Variants in CLEC2D observed in about 807,000 individuals in gnomAD.
The protein encoded by CLEC2D is C-type lectin domain family 2 member D.
Under a neutral mutation model 20.0 loss-of-function variants are expected in CLEC2D, and 16 were observed. That is an observed-to-expected ratio of 0.80 (90% confidence interval 0.54 to 1.22). The LOEUF (loss-of-function observed/expected upper bound fraction) is 1.22, where lower values mean the gene tolerates loss of function less well. CLEC2D is among the 50% of genes most tolerant of loss of function. The probability of loss-of-function intolerance (pLI) is 0.00; values close to 1 mark genes in which losing one functional copy is unlikely to be tolerated. For synonymous variants in CLEC2D, 77 were observed against 71.1 expected (o/e 1.08, Z -0.42); for missense variants, 207 against 221.5 (o/e 0.93, Z 0.42).
intron 2 of CLEC2D, among the ~76,000 whole-genome samples, chr12:9,683,623 A>G (rs1865691459): frequency 6.6e-6 from 1 of 152,264 alleles, no homozygotes; most frequent in Middle Eastern, 3.4e-3. Context: ...CATTTATTAA[A>G]TAGGGAATCC....
Position 9,696,216 on chromosome 12 carries a change from G to A in CLEC2D, c.*1342G>A. ...AGGCTATTCAAGATCTCTGGCAGTG[G>A]AGGAAGTCTCTTTAAGAAAATAGTT... On this transcript the variant is annotated 3_prime_UTR_variant, in exon 5 of 5. Coordinates refer to ENST00000290855, the MANE Select transcript of CLEC2D (RefSeq NM_013269.6). 1 of 845,238 alleles carries A rather than the reference G, an allele frequency of 1.2e-6. No homozygotes were observed. Among genetic ancestry groups the A allele is most frequent in the South Asian group, 1.3e-5 (1 of 75,698 alleles). 52.4% of individuals were successfully genotyped at this position (845,238 alleles called of 1,614,324 possible). A position where few individuals can be genotyped will look rare whatever the true frequency, so the allele number is the denominator to read the frequency against.
In CLEC2D at chr12:9,681,037, A is replaced by G. The variant is rs767400020; in HGVS notation, c.172+4A>G. On this transcript the variant is annotated splice_donor_region_variant and intron_variant, in intron 2 of 4. Transcript: ENST00000290855. ...GGAATGGTTGCTGCTTTAAGCGGTA[A>G]GTGAACTGTAATCTTTATTCATCTA... is the stretch of plus-strand genomic sequence containing the variant. 1.5e-6 allele frequency: 2 copies of G among 1,353,254 alleles called. No individual in the cohort carries two copies. Among genetic ancestry groups the G allele is most frequent in the East Asian group, 2.3e-5 (1 of 43,642 alleles). 83.8% of individuals were successfully genotyped at this position (1,353,254 alleles called of 1,614,324 possible). A position where few individuals can be genotyped will look rare whatever the true frequency, so the allele number is the denominator to read the frequency against.
intron 3 of CLEC2D, 104 bp downstream of exon 3, chr12:9,688,190 ATTTTTTTTT>A (rs71045286): frequency 7.6e-3 from 6,000 of 785,922 alleles, no homozygotes; most frequent in East Asian, 0.016. Flanking sequence ...TTTTACATTG[ATTTTTTTTT>A]TTTTTTTTTT....
At chr12:9,689,309 T>TG (rs1294348593) in intron 3 of CLEC2D, among the ~76,000 whole-genome samples, 1 of 152,096 alleles carries the variant, frequency 6.6e-6, no homozygotes, top group Non-Finnish European at 1.5e-5. Context: ...TAAAAATAGT[T>TG]GGGAAAAAAT....
Position 9,695,316 on chromosome 12 carries a change from G to A in CLEC2D, c.*442G>A. ...TGGTGTGATTCCGTCCTGCGCGGCT[G>A]TTCTCTGGAGCAGCATTCATTTATC... On this transcript the variant is annotated 3_prime_UTR_variant, in exon 5 of 5. Transcript: ENST00000290855. 1.2e-6 allele frequency: 1 copy of A among 841,412 alleles called. No individual in the cohort carries two copies. The highest frequency in any genetic ancestry group is 2.0e-6 in the Non-Finnish European group (1 of 496,472). 52.1% of individuals were successfully genotyped at this position (841,412 alleles called of 1,614,324 possible).
Position 9,699,368 on chromosome 12 carries a change from C to A in CLEC2D, c.*4494C>A, listed in dbSNP as rs1866074357. 6.6e-6 allele frequency: 1 copy of A among 152,188 alleles called. No individual in the cohort carries two copies. The highest frequency in any genetic ancestry group is 2.4e-5 in the African/African-American group (1 of 41,442). The allele number at this position is 152,188 out of a possible 1,614,324, so 9.4% of individuals were successfully genotyped here. ...AGACACTTCTGTATACACTGGAAAT[C>A]TCAGGAAATTTCTTTTTTCCTTAAG... On this transcript the variant is annotated 3_prime_UTR_variant, in exon 5 of 5. Coordinates refer to ENST00000290855, the MANE Select transcript of CLEC2D (RefSeq NM_013269.6).
At chr12:9,690,934 A>G (rs2120969770) in intron 3 of CLEC2D, among the ~76,000 whole-genome samples, 1 of 152,222 alleles carries the variant, frequency 6.6e-6, no homozygotes, top group South Asian at 2.1e-4. Context: ...GGATGAAGCC[A>G]TCCTATTAAA....
rs1229193202 is a variant in CLEC2D at position 9,696,568 on chromosome 12, T to C, written c.*1694T>C. ...TAAAGTAAAAAAAAAAAAAAAGGTA[T>C]GGGGAAAACTGCCCCCATAAAGCAA... On this transcript the variant is annotated 3_prime_UTR_variant, in exon 5 of 5. Coordinates refer to ENST00000290855, the MANE Select transcript of CLEC2D (RefSeq NM_013269.6). The C allele has an allele frequency of 5.0e-6, 1 of 200,894 alleles. No homozygotes were observed. The highest frequency in any genetic ancestry group is 1.0e-5 in the Non-Finnish European group (1 of 99,310). The allele number at this position is 200,894 out of a possible 1,614,324, so 12.4% of individuals were successfully genotyped here. A position where few individuals can be genotyped will look rare whatever the true frequency, so the allele number is the denominator to read the frequency against.
Position 9,694,894 on chromosome 12 carries a change from A to C in CLEC2D, c.*20A>C. On this transcript the variant is annotated 3_prime_UTR_variant, in exon 5 of 5. Transcript: ENST00000290855. ...GTCTAGATGTTACAGCAAAGCCCCA[A>C]CTAATCTTTAGAAGCATATTGGAAC... 1 of 1,302,534 alleles carries C rather than the reference A, an allele frequency of 7.7e-7. No homozygotes were observed. Among genetic ancestry groups the C allele is most frequent in the Non-Finnish European group, 1.1e-6 (1 of 896,882 alleles). The allele number at this position is 1,302,534 out of a possible 1,614,324, so 80.7% of individuals were successfully genotyped here. A position where few individuals can be genotyped will look rare whatever the true frequency, so the allele number is the denominator to read the frequency against.
At chr12:9,671,008 C>T (rs1222984760) in intron 1 of CLEC2D, among the ~76,000 whole-genome samples, 1 of 152,190 alleles carries the variant, frequency 6.6e-6, no homozygotes, top group African/African-American at 2.4e-5. Flanking sequence ...CACCATCTGA[C>T]CCGTACTTTC....
chr12:9,679,720 T>C (rs1016943365), intron 1 of CLEC2D, among the ~76,000 whole-genome samples: 3 of 152,192 alleles, frequency 2.0e-5, no homozygotes, highest in Non-Finnish European at 4.4e-5. Flanking sequence ...ACAAATATCT[T>C]GGGAAACATC....
chr12:9,693,700 T>G (rs987630966), intron 4 of CLEC2D: 6 of 374,896 alleles, frequency 1.6e-5, no homozygotes, highest in South Asian at 1.2e-4. Flanking sequence ...CTACACTGCC[T>G]TGCACATTGT....
chr12:9,680,585 C>A (rs1180456452), intron 1 of CLEC2D, among the ~76,000 whole-genome samples: 4 of 152,040 alleles, frequency 2.6e-5, no homozygotes, highest in African/African-American at 9.7e-5. Context: ...AAAAATATTT[C>A]TTTACATTTT....
chr12:9,693,010 G>T, intron 4 of CLEC2D, 79 bp downstream of exon 4: 1 of 1,607,232 alleles, frequency 6.2e-7, no homozygotes, highest in South Asian at 1.1e-5. Flanking sequence ...CTAGTTACAT[G>T]CTTTAAAAAA....
At chr12:9,687,738 A>G (rs1483521349) in intron 2 of CLEC2D, among the ~76,000 whole-genome samples, 164 bp from the exon 3 acceptor site, 4 of 152,226 alleles carry the variant, frequency 2.6e-5, no homozygotes, top group Non-Finnish European at 4.4e-5. Flanking sequence ...TTGCTGTGTA[A>G]TGTATGCAAT....
intron 1 of CLEC2D, among the ~76,000 whole-genome samples, chr12:9,674,560 T>G (rs2120896475): frequency 6.6e-6 from 1 of 152,368 alleles, no homozygotes; most frequent in Admixed American, 6.5e-5. Context: ...TCCCTTCAAG[T>G]ATGTTTTCTT....
intron 2 of CLEC2D, among the ~76,000 whole-genome samples, chr12:9,684,172 T>G (rs1186991925): frequency 1.3e-5 from 2 of 152,210 alleles, no homozygotes; most frequent in Admixed American, 6.5e-5. Context: ...TTTGGCTCTC[T>G]GTTTGTCTGT....
chr12:9,670,831 C>T (rs1865403174), intron 1 of CLEC2D, among the ~76,000 whole-genome samples: 3 of 152,162 alleles, frequency 2.0e-5, no homozygotes, highest in Admixed American at 2.0e-4. Context: ...GTGCATCAAC[C>T]AGGGGTGAAA....
In CLEC2D at chr12:9,687,899, C is replaced by T. The variant is rs774829647; in HGVS notation, c.173-3C>T. 1.3e-6 allele frequency: 2 copies of T among 1,486,588 alleles called. No individual in the cohort carries two copies. Among genetic ancestry groups the T allele is most frequent in the South Asian group, 1.5e-5 (1 of 68,264 alleles). The allele number at this position is 1,486,588 out of a possible 1,614,324, so 92.1% of individuals were successfully genotyped here. On this transcript the variant is annotated splice_polypyrimidine_tract_variant and splice_region_variant and intron_variant, in intron 2 of 4. Coordinates refer to ENST00000290855, the MANE Select transcript of CLEC2D (RefSeq NM_013269.6). ...ATTTTATTTATTTTTATTTTATTTT[C>T]AGCAATAAGAGCTAACTGCCATCAA...
Sources: gnomAD v4.1 joint callset for allele counts (sites outside exome capture counted in the v4.1 genomes callset) on GRCh38, gnomAD v4.1.1 for gene constraint, MANE v1.5 for transcripts, NCBI Gene and HGNC (gene_info 2026-07-23, HGNC 2026-07-21) for gene names.